The following VAV2 variants were observed in gnomAD, a reference collection of about 807,000 sequenced individuals.
The protein encoded by VAV2 is guanine nucleotide exchange factor VAV2.
VAV2 carries 67 observed loss-of-function variants against 132.5 expected under a neutral mutation model. The ratio of observed to expected loss-of-function variants is 0.51; its 90% CI spans 0.42 to 0.62. The LOEUF is 0.62. VAV2 is among the 20% of genes least tolerant of loss of function. The probability of loss-of-function intolerance (pLI) is 0.00; values close to 1 mark genes in which losing one functional copy is unlikely to be tolerated. For missense variants in VAV2, 938 were observed against 1,153.6 expected (o/e 0.81, Z 2.71); for synonymous variants, 492 against 443.5 (o/e 1.11, Z -1.37).
intron 12 of VAV2, among the ~76,000 whole-genome samples, chr9:133,792,756 C>T (rs1383297712): frequency 6.7e-6 from 1 of 148,872 alleles, no homozygotes; most frequent in Non-Finnish European, 1.5e-5. Flanking sequence ...CCGGGGAGGC[C>T]GCCCTCGAGA....
chr9:133,768,692 C>T lies in VAV2; in HGVS notation c.2435-96G>A. On this transcript the variant is annotated intron_variant, in intron 28 of 29. Transcript: ENST00000371850. The surrounding 1 kb of genome is among the most constrained non-coding windows in gnomAD (Gnocchi z 5.3). Reference sequence around the variant, plus strand: ...GCCAAGCTGGGTCTCTCCCCTGGTGCCCAGAACCCTGCTCTGTACCCAGAG... The same window carrying T: ...GCCAAGCTGGGTCTCTCCCCTGGTGTCCAGAACCCTGCTCTGTACCCAGAG... 6.9e-7 allele frequency: 1 copy of T among 1,446,994 alleles called. No individual in the cohort carries two copies. 89.6% of individuals were successfully genotyped at this position (1,446,994 alleles called of 1,614,324 possible).
chr9:133,847,513 T>C (rs1007667292), intron 3 of VAV2, among the ~76,000 whole-genome samples: 30 of 152,120 alleles, frequency 2.0e-4, no homozygotes, highest in Non-Finnish European at 4.3e-4. Flanking sequence ...TTCTCAGCTG[T>C]CAGAGGCCAG....
chr9:133,990,553 G>A (rs1564530398), intron 1 of VAV2, among the ~76,000 whole-genome samples: 1 of 152,170 alleles, frequency 6.6e-6, no homozygotes, highest in Non-Finnish European at 1.5e-5. Flanking sequence ...TCTGCCCTGA[G>A]CCCCAGCCTG....
chr9:133,858,901 C>T (rs951174316), intron 3 of VAV2, among the ~76,000 whole-genome samples: 1 of 152,236 alleles, frequency 6.6e-6, no homozygotes, highest in Non-Finnish European at 1.5e-5. Context: ...CCACTGTGCC[C>T]ACATGCTGCC....
intron 9 of VAV2, among the ~76,000 whole-genome samples, chr9:133,798,398 G>A (rs1834805910): frequency 6.6e-6 from 1 of 152,202 alleles, no homozygotes; most frequent in South Asian, 2.1e-4. Context: ...AGGACGCCCA[G>A]GAAGCCAGCC....
intron 3 of VAV2, among the ~76,000 whole-genome samples, chr9:133,836,680 G>A (rs1836485270): frequency 6.6e-6 from 1 of 152,154 alleles, no homozygotes; most frequent in Admixed American, 6.5e-5. Context: ...ACAGAGTGTG[G>A]GCGACAGTTT....
rs1833550570 is a variant in VAV2 at position 133,769,632 on chromosome 9, G to C, written c.2348-129C>G. ...TTGGCAGGAGAGGCCCTACAGGGGG[G>C]CAAAGGAGGCAGGGGGCAGCACGGG... On this transcript the variant is annotated intron_variant, in intron 27 of 29. Transcript: ENST00000371850. The surrounding 1 kb of genome is among the most constrained non-coding windows in gnomAD (Gnocchi z 8.1). 1.0e-6 allele frequency: 1 copy of C among 962,322 alleles called. No individual in the cohort carries two copies. Among genetic ancestry groups the C allele is most frequent in the Non-Finnish European group, 1.5e-6 (1 of 649,174 alleles). 59.6% of individuals were successfully genotyped at this position (962,322 alleles called of 1,614,324 possible).
At position 133,823,948 on chromosome 9, in the gene VAV2, A is replaced by T. The variant is rs1452258735; in HGVS notation, c.449+10324T>A. Reference sequence around the variant, plus strand: ...TCAGAGGGTTCCCCTGCGATCTCCCACTGAGAAGGAACAAACGGCCTCTCC... The same window carrying T: ...TCAGAGGGTTCCCCTGCGATCTCCCTCTGAGAAGGAACAAACGGCCTCTCC... On this transcript the variant is annotated intron_variant, in intron 4 of 29. Transcript: ENST00000371850. The surrounding 1 kb of genome is among the most constrained non-coding windows in gnomAD (Gnocchi z 5.5). 6.6e-6 allele frequency among the ~76,000 whole-genome samples: 1 copy of T among 152,116 alleles called. No individual in the cohort carries two copies. Among genetic ancestry groups the T allele is most frequent in the Admixed American group, 6.5e-5 (1 of 15,276 alleles).
intron 2 of VAV2, among the ~76,000 whole-genome samples, chr9:133,891,151 G>C (rs1341799600): frequency 6.7e-6 from 1 of 150,056 alleles, no homozygotes; most frequent in Non-Finnish European, 1.5e-5. Context: ...CAGAGGCCCG[G>C]GGGACAAGGG....
Position 133,918,392 on chromosome 9 carries a change from C to T in VAV2, c.321+20711G>A, listed in dbSNP as rs1840177093. Among the ~76,000 whole-genome samples the T allele has an allele frequency of 6.8e-6, 1 of 146,484 alleles. No homozygotes were observed. Among genetic ancestry groups the T allele is most frequent in the Admixed American group, 6.6e-5 (1 of 15,066 alleles). ...TCCGGACCCAGGCCCAGCTGCTAGC[C>T]CGGGCTACCACCACCACCAGGAAAC... On this transcript the variant is annotated intron_variant, in intron 2 of 29. Transcript: ENST00000371850. The surrounding 1 kb of genome is among the most constrained non-coding windows in gnomAD (Gnocchi z 4.7).
intron 4 of VAV2, among the ~76,000 whole-genome samples, chr9:133,829,127 G>A (rs570565725): frequency 3.7e-4 from 57 of 152,366 alleles, no homozygotes; most frequent in Middle Eastern, 3.4e-3. Context: ...GGGCAGGAAC[G>A]AAAAGGGAAG....
intron 2 of VAV2, among the ~76,000 whole-genome samples, chr9:133,894,527 T>G (rs1839119385): frequency 6.6e-6 from 1 of 152,160 alleles, no homozygotes; most frequent in Non-Finnish European, 1.5e-5. Flanking sequence ...CGGGTGACCC[T>G]GCACAAGGCG....
At chr9:133,842,476 AC>A (rs1836764396) in intron 3 of VAV2, among the ~76,000 whole-genome samples, 1 of 152,234 alleles carries the variant, frequency 6.6e-6, no homozygotes, top group Admixed American at 6.5e-5. Flanking sequence ...GCCAGCCCTG[AC>A]ATCTACTGTC....
chr9:133,894,334 G>A (rs941034742), intron 2 of VAV2, among the ~76,000 whole-genome samples: 1 of 152,222 alleles, frequency 6.6e-6, no homozygotes, highest in Non-Finnish European at 1.5e-5. Context: ...ACCCAAGAAG[G>A]AGACCTAAGC....
rs914894261 is a variant in VAV2 at position 133,824,833 on chromosome 9, C to T, written c.449+9439G>A. Among the ~76,000 whole-genome samples the T allele has an allele frequency of 5.9e-5, 9 of 152,222 alleles. No individual in the cohort carries two copies. Among genetic ancestry groups the T allele is most frequent in the Non-Finnish European group, 8.8e-5 (6 of 68,044 alleles). On this transcript the variant is annotated intron_variant, in intron 4 of 29. Coordinates refer to ENST00000371850, the MANE Select transcript of VAV2 (RefSeq NM_001134398.2). The surrounding 1 kb of genome is among the most constrained non-coding windows in gnomAD (Gnocchi z 5.2). ...GTTCTGTACGACTCTGACCAGGTGC[C>T]TTCCTCTCTCAGAGCCCCGTCTCCT...
chr9:133,924,744 G>A (rs1437206091), intron 2 of VAV2, among the ~76,000 whole-genome samples: 1 of 152,186 alleles, frequency 6.6e-6, no homozygotes, highest in Non-Finnish European at 1.5e-5. Flanking sequence ...TGGAAGGGAG[G>A]GGGCCTATGG....
intron 1 of VAV2, among the ~76,000 whole-genome samples, chr9:133,982,133 C>T (rs1000493918): frequency 2.6e-5 from 4 of 152,182 alleles, no homozygotes; most frequent in East Asian, 1.9e-4. Flanking sequence ...AAGCAGATGG[C>T]AGCAGTGAGC....
chr9:133,914,753 AG>A (rs1423774866), intron 2 of VAV2, among the ~76,000 whole-genome samples: 14 of 65,220 alleles, frequency 2.1e-4, no homozygotes, highest in South Asian at 1.7e-3. Flanking sequence ...AGGGGAGGGG[AG>A]AGGAGAGGAG....
rs546565370 is a variant in VAV2 at position 133,827,750 on chromosome 9, G to A, written c.449+6522C>T. 7.3e-4 allele frequency among the ~76,000 whole-genome samples: 26 copies of A among 35,830 alleles called. 1 individual carries two copies. The highest frequency in any genetic ancestry group is 1.2e-3 in the African/African-American group (26 of 21,308). 23.5% of individuals were successfully genotyped at this position (35,830 alleles called of 152,430 possible). ...CTGAGCACGGGCATCACCACCTACC[G>A]CTGCGCCCACTGGGGCTGACCACTG... On this transcript the variant is annotated intron_variant, in intron 4 of 29. Coordinates refer to ENST00000371850, the MANE Select transcript of VAV2 (RefSeq NM_001134398.2).
Sources: allele counts gnomAD v4.1 joint callset (sites outside exome capture counted in the v4.1 genomes callset), GRCh38; gene constraint gnomAD v4.1.1; non-coding constraint Gnocchi (gnomAD v3.1); transcripts MANE v1.5; gene names NCBI Gene and HGNC (gene_info 2026-07-23, HGNC 2026-07-21).